The following ZSCAN4 variants were observed in gnomAD, a reference collection of about 807,000 sequenced individuals.
ZSCAN4 encodes the protein zinc finger and SCAN domain containing 4, also known as zinc finger and SCAN domain-containing protein 4.
A neutral mutation model predicts 18.3 loss-of-function variants in ZSCAN4; 18 were observed. That is an observed-to-expected ratio of 0.98 (90% CI 0.68 to 1.46). The LOEUF (loss-of-function observed/expected upper bound fraction) is 1.46. Ranked by LOEUF, ZSCAN4 falls within the 40% of genes most tolerant of loss-of-function variation. The pLI is 0.00. For missense variants in ZSCAN4, 498 were observed against 511.4 expected, an observed-to-expected ratio of 0.97 and a Z score of 0.25; for synonymous variants, 193 against 180.3, an observed-to-expected ratio of 1.07 and a Z score of -0.57.
upstream of ZSCAN4, among the ~76,000 whole-genome samples, chr19:57,666,572 C>A (rs1983853609): frequency 1.1e-5 from 1 of 90,898 alleles, no homozygotes; most frequent in African/African-American, 5.5e-5. Flanking sequence ...AATATTTTTT[C>A]TCAAAAAAAA....
intron 1 of ZSCAN4, among the ~76,000 whole-genome samples, chr19:57,669,822 G>C (rs925304074): frequency 1.5e-4 from 23 of 151,906 alleles, no homozygotes; most frequent in African/African-American, 5.6e-4. Flanking sequence ...GAACTCCCTG[G>C]CTCAAACAAG....
chr19:57,656,679 G>C, the ZSCAN4 span, among the ~76,000 whole-genome samples: 1 of 152,216 alleles, frequency 6.6e-6, no homozygotes, highest in Non-Finnish European at 1.5e-5. Context: ...TACAGCCTGG[G>C]AAAAATATTT....
the ZSCAN4 span, among the ~76,000 whole-genome samples, chr19:57,658,149 A>C: frequency 6.6e-6 from 1 of 152,216 alleles, no homozygotes; most frequent in Non-Finnish European, 1.5e-5. Context: ...TTATAAATAG[A>C]ATATTCCTCA....
At chr19:57,653,223 G>T in the ZSCAN4 span, among the ~76,000 whole-genome samples, 3 of 151,924 alleles carry the variant, frequency 2.0e-5, no homozygotes, top group African/African-American at 7.3e-5. Context: ...GTGAAACCCT[G>T]CCTCTACTAA....
intron 2 of ZSCAN4, among the ~76,000 whole-genome samples, chr19:57,670,916 G>C (rs1470336952): frequency 6.7e-6 from 1 of 148,862 alleles, no homozygotes; most frequent in Non-Finnish European, 1.5e-5. Flanking sequence ...CTAAAGTTTA[G>C]TAGCCCCAAT....
the ZSCAN4 span, among the ~76,000 whole-genome samples, chr19:57,656,239 C>T: frequency 6.6e-6 from 1 of 152,184 alleles, no homozygotes; most frequent in Non-Finnish European, 1.5e-5. Context: ...ATGGCAGACT[C>T]AGCAGCCTGG....
the ZSCAN4 span, among the ~76,000 whole-genome samples, chr19:57,661,017 T>C: frequency 1.3e-5 from 2 of 152,244 alleles, no homozygotes; most frequent in Non-Finnish European, 2.9e-5. Context: ...ACTTTATTCA[T>C]GCCCACACTA....
chr19:57,675,158 T>TG (rs1468749102), intron 2 of ZSCAN4, among the ~76,000 whole-genome samples: 7 of 144,978 alleles, frequency 4.8e-5, no homozygotes, highest in African/African-American at 1.5e-4. Context: ...TTTTTTTTTT[T>TG]TTTTTTTGAG....
the ZSCAN4 span, among the ~76,000 whole-genome samples, chr19:57,651,776 C>T: frequency 1.3e-5 from 2 of 152,164 alleles, no homozygotes; most frequent in African/African-American, 2.4e-5. Context: ...CTCCCAGCCC[C>T]GTCTTCCTAC....
At chr19:57,677,963 C>T (rs768950167) in exon 4 of ZSCAN4, 2 of 1,593,664 alleles carry the variant, frequency 1.3e-6, no homozygotes, top group Non-Finnish European at 1.7e-6. Context: ...GAGGATATGC[C>T]CTTAAGAGAT....
At chr19:57,657,295 A>G in the ZSCAN4 span, among the ~76,000 whole-genome samples, 19 of 147,786 alleles carry the variant, frequency 1.3e-4, no homozygotes, top group African/African-American at 4.7e-4. Flanking sequence ...CTCCATGTCA[A>G]AAAAAAAAAA....
chr19:57,669,078 T>G (rs1983938650), exon 1 of ZSCAN4: 1 of 150,020 alleles, frequency 6.7e-6, no homozygotes, highest in Non-Finnish European at 1.5e-5. Flanking sequence ...TTTTTTTTTT[T>G]GAGACACAGT....
the ZSCAN4 span, among the ~76,000 whole-genome samples, chr19:57,659,012 G>A: frequency 6.6e-6 from 1 of 152,066 alleles, no homozygotes; most frequent in East Asian, 1.9e-4. Context: ...TGCACATATA[G>A]TCAATTATAT....
At chr19:57,678,281 C>T (rs773923614) in exon 5 of ZSCAN4, 18 of 1,613,954 alleles carry the variant, frequency 1.1e-5, no homozygotes, top group East Asian at 6.7e-5. Context: ...AGGAAGAGAA[C>T]GGTCCTAGGC....
the ZSCAN4 span, among the ~76,000 whole-genome samples, chr19:57,661,437 G>C: frequency 6.6e-6 from 1 of 152,056 alleles, no homozygotes; most frequent in Admixed American, 6.6e-5. Context: ...AATCACACAT[G>C]ATTGTTACTG....
chr19:57,662,068 G>A, the ZSCAN4 span, among the ~76,000 whole-genome samples: 5 of 127,104 alleles, frequency 3.9e-5, no homozygotes, highest in East Asian at 9.1e-4. Context: ...CCAACAGAGC[G>A]AGACTCTGTC....
chr19:57,661,851 G>T, the ZSCAN4 span, among the ~76,000 whole-genome samples: 1 of 152,184 alleles, frequency 6.6e-6, no homozygotes, highest in Non-Finnish European at 1.5e-5. Context: ...GGAGGCTGAG[G>T]TGGGCAGAAA....
the ZSCAN4 span, among the ~76,000 whole-genome samples, chr19:57,663,520 T>TAAAAAAAAA: frequency 2.9e-4 from 19 of 66,574 alleles, 2 homozygotes; most frequent in African/African-American, 7.7e-4. Context: ...ACCATGTCTC[T>TAAAAAAAAA]AAAAAAAAAA....
intron 2 of ZSCAN4, among the ~76,000 whole-genome samples, chr19:57,675,367 C>T (rs975498657): frequency 2.0e-5 from 3 of 151,886 alleles, no homozygotes; most frequent in South Asian, 2.1e-4. Flanking sequence ...AGGCTGGTCT[C>T]GAAATCCTGA....
Sources: allele counts gnomAD v4.1 joint callset (sites outside exome capture counted in the v4.1 genomes callset), GRCh38; gene constraint gnomAD v4.1.1; transcripts MANE v1.5; gene names NCBI Gene and HGNC (gene_info 2026-07-23, HGNC 2026-07-21).